Variants in AGO1 observed in about 807,000 individuals in gnomAD.
AGO1 encodes the protein protein argonaute-1.
AGO1 carries 11 observed loss-of-function variants against 109.2 expected under a neutral mutation model. The observed-to-expected ratio is 0.10, with a 90% CI of 0.06 to 0.17. AGO1 has a LOEUF of 0.17. AGO1 is among the 10% of genes least tolerant of loss of function. The pLI is 1.00. For synonymous variants in AGO1, 422 were observed against 418.6 expected (o/e 1.01, Z -0.10); for missense variants, 574 against 1,140.3 (o/e 0.50, Z 7.15).
In AGO1 at chr1:35,929,341, G is replaced by GA. The variant is rs1382205794; in HGVS notation, c.*9735dup. 6.6e-6 allele frequency: 1 copy of GA among 152,250 alleles called. No individual in the cohort carries two copies. Among genetic ancestry groups the GA allele is most frequent in the Non-Finnish European group, 1.5e-5 (1 of 68,046 alleles). The allele number at this position is 152,250 out of a possible 1,614,324, so 9.4% of individuals were successfully genotyped here. On this transcript the variant is annotated 3_prime_UTR_variant, in exon 19 of 19. Coordinates refer to ENST00000373204, the MANE Select transcript of AGO1 (RefSeq NM_012199.5). ...TAGGAAGGCATCATTGACATTTACT[G>GA]AGATGGATTGAATCAGAGGGTGTAA...
Position 35,888,490 on chromosome 1 carries a change from G to A in AGO1, c.89G>A (p.Gly30Asp). ...VFQAPRRPGI[G>D]TVGKPIKLLA... ...CAGGCACCTCGCCGGCCTGGCATTG[G>A]CACTGTGGGGAAACCAATCAAGCTC... is the stretch of plus-strand genomic sequence containing the variant. The change falls in exon 2 of 19, where the codon GGC (glycine) becomes GAC (aspartate). Residue 30 changes from glycine (G) to aspartate (D), a missense_variant. By Grantham distance (94) the Gly-to-Asp change is moderately conservative (BLOSUM62 -1). Coordinates refer to ENST00000373204, the MANE Select transcript of AGO1 (RefSeq NM_012199.5). The surrounding 1 kb of genome is among the most constrained non-coding windows in gnomAD (Gnocchi z 4.1). The A allele has an allele frequency of 6.2e-7, 1 of 1,614,212 alleles. No homozygotes were observed. The highest frequency in any genetic ancestry group is 8.5e-7 in the Non-Finnish European group (1 of 1,180,038).
intron 11 of AGO1, among the ~76,000 whole-genome samples, chr1:35,905,732 A>T (rs143934866): frequency 1.4e-4 from 21 of 152,176 alleles, no homozygotes; most frequent in African/African-American, 5.1e-4. Context: ...TGGCCTCCCA[A>T]AGTGCTGAGA....
chr1:35,896,546 G>T (rs1645323432), intron 8 of AGO1, among the ~76,000 whole-genome samples: 1 of 151,946 alleles, frequency 6.6e-6, no homozygotes, highest in Middle Eastern at 3.2e-3. Context: ...TGTATTTTTA[G>T]TAGAGATGGG....
chr1:35,893,554 C>A lies in AGO1; in HGVS notation c.513-120C>A. On this transcript the variant is annotated intron_variant, in intron 4 of 18. Coordinates refer to ENST00000373204, the MANE Select transcript of AGO1 (RefSeq NM_012199.5). This position sits in a 1 kb window ranked among gnomAD's most constrained non-coding sequence, Gnocchi z 5.6. Reference sequence around the variant, plus strand: ...GTCAGTCATACAACTAGTAAAGCATCAGAGCTGGCATTAAAGCCCCGGTGT... The same window carrying A: ...GTCAGTCATACAACTAGTAAAGCATAAGAGCTGGCATTAAAGCCCCGGTGT... The A allele has an allele frequency of 9.3e-7, 1 of 1,078,430 alleles. No homozygotes were observed. Among genetic ancestry groups the A allele is most frequent in the Non-Finnish European group, 1.3e-6 (1 of 768,532 alleles). 66.8% of individuals were successfully genotyped at this position (1,078,430 alleles called of 1,614,324 possible).
intron 12 of AGO1, among the ~76,000 whole-genome samples, chr1:35,910,718 A>G (rs1321471003): frequency 1.3e-5 from 2 of 152,120 alleles, no homozygotes; most frequent in South Asian, 2.1e-4. Context: ...ATTTCCATCT[A>G]TCCATTCTGT....
rs563614918 is a variant in AGO1 at position 35,922,118 on chromosome 1, C to G, written c.*2511C>G. On this transcript the variant is annotated 3_prime_UTR_variant, in exon 19 of 19. Coordinates refer to ENST00000373204, the MANE Select transcript of AGO1 (RefSeq NM_012199.5). Reference sequence around the variant, plus strand: ...TAGGGAGCAGGTGGCAGCCTCTACTCCCAGCAACAAGTTTGTGTTCTCTCC... The same window carrying G: ...TAGGGAGCAGGTGGCAGCCTCTACTGCCAGCAACAAGTTTGTGTTCTCTCC... 2.6e-5 allele frequency: 4 copies of G among 152,776 alleles called. No individual in the cohort carries two copies. Among genetic ancestry groups the G allele is most frequent in the Admixed American group, 2.6e-4 (4 of 15,298 alleles). 9.5% of individuals were successfully genotyped at this position (152,776 alleles called of 1,614,324 possible).
rs1645159446 is a variant in AGO1, at chr1:35,888,601, G to A, written c.200G>A (p.Arg67Lys). The change falls in exon 2 of 19, where the codon AGA (arginine) becomes AAA (lysine). Residue 67 changes from arginine (R) to lysine (K), a missense_variant. Arg to Lys is a conservative substitution (Grantham distance 26). Transcript: ENST00000373204. This position sits in a 1 kb window ranked among gnomAD's most constrained non-coding sequence, Gnocchi z 4.1. ...ATCAAGCCGGATAAGTGTCCCCGTA[G>A]AGTCAACCGGTAAGTGATGCACACC... Reference protein sequence around the residue: ...VDIKPDKCPRRVNREVVEYMV... With the variant: ...VDIKPDKCPRKVNREVVEYMV... The A allele has an allele frequency of 6.8e-6, 11 of 1,614,074 alleles. No individual in the cohort carries two copies. The highest frequency in any genetic ancestry group is 8.5e-6 in the Non-Finnish European group (10 of 1,180,038).
At chr1:35,908,261 C>T (rs1645561530) in intron 12 of AGO1, among the ~76,000 whole-genome samples, 2 of 152,172 alleles carry the variant, frequency 1.3e-5, no homozygotes, top group Non-Finnish European at 2.9e-5. Flanking sequence ...TCTCAGTTGT[C>T]CTCTTGACTT....
In AGO1 at chr1:35,902,257, G is replaced by A. The variant is rs759771963; in HGVS notation, c.1317G>A (p.Gln439=). ...NQGVWDMRGK[Q]FYNGIEIKVW... Reference sequence around the variant, plus strand: ...GTGTCTGGGACATGCGGGGGAAACAGTTCTACAATGGGATTGAGATCAAAG... The same window carrying A: ...GTGTCTGGGACATGCGGGGGAAACAATTCTACAATGGGATTGAGATCAAAG... The change falls in exon 11 of 19, where the codon CAG becomes CAA. Residue 439 remains glutamine, a synonymous_variant. Coordinates refer to ENST00000373204, the MANE Select transcript of AGO1 (RefSeq NM_012199.5). 2 of 1,614,038 alleles carry A rather than the reference G, an allele frequency of 1.2e-6. No individual in the cohort carries two copies. Among genetic ancestry groups the A allele is most frequent in the African/African-American group, 2.7e-5 (2 of 74,924 alleles).
At position 35,893,533 on chromosome 1, in the gene AGO1, G is replaced by A. The variant is rs1645260888; in HGVS notation, c.513-141G>A. The A allele has an allele frequency of 3.2e-6, 3 of 948,962 alleles. No individual in the cohort carries two copies. The highest frequency in any genetic ancestry group is 4.6e-6 in the Non-Finnish European group (3 of 653,624). The allele number at this position is 948,962 out of a possible 1,614,324, so 58.8% of individuals were successfully genotyped here. ...GAAGGTAGAAACTTGTACAAGGTCA[G>A]TCATACAACTAGTAAAGCATCAGAG... is the stretch of plus-strand genomic sequence containing the variant. On this transcript the variant is annotated intron_variant, in intron 4 of 18. Transcript: ENST00000373204. This position sits in a 1 kb window ranked among gnomAD's most constrained non-coding sequence, Gnocchi z 5.6.
At chr1:35,898,932 T>C (rs1645368194) in intron 8 of AGO1, among the ~76,000 whole-genome samples, 1 of 152,250 alleles carries the variant, frequency 6.6e-6, no homozygotes, top group South Asian at 2.1e-4. Flanking sequence ...TAACCATTTT[T>C]AAGTATACAG....
chr1:35,902,243 A>T lies in AGO1; in HGVS notation c.1303A>T (p.Met435Leu). 1 of 1,614,144 alleles carries T rather than the reference A, an allele frequency of 6.2e-7. No individual in the cohort carries two copies. The highest frequency in any genetic ancestry group is 8.5e-7 in the Non-Finnish European group (1 of 1,180,004). ...CACACCCAATCAGGGTGTCTGGGAC[A>T]TGCGGGGGAAACAGTTCTACAATGG... Reference protein sequence around the residue: ...IATPNQGVWDMRGKQFYNGIE... With the variant: ...IATPNQGVWDLRGKQFYNGIE... Residue 435 changes from methionine to leucine, a missense_variant, in exon 11 of 19, where the codon ATG (methionine) becomes TTG (leucine). This residue lies in a region of AGO1 where 106 missense variants were observed against 147.8 expected (regional missense o/e 0.72). Transcript: ENST00000373204.
chr1:35,897,688 C>T (rs527884850), intron 8 of AGO1, among the ~76,000 whole-genome samples: 5 of 151,864 alleles, frequency 3.3e-5, no homozygotes, highest in East Asian at 3.9e-4. Context: ...GTGATTGTGC[C>T]GCTGGATTCT....
intron 15 of AGO1, among the ~76,000 whole-genome samples, chr1:35,916,114 A>T (rs962624805): frequency 6.6e-6 from 1 of 151,216 alleles, no homozygotes; most frequent in Non-Finnish European, 1.5e-5. Context: ...TGAACTTCCT[A>T]TGTGCCATGA....
intron 15 of AGO1, among the ~76,000 whole-genome samples, chr1:35,917,176 T>C (rs966504271): frequency 3.9e-5 from 6 of 152,214 alleles, no homozygotes; most frequent in African/African-American, 1.4e-4. Flanking sequence ...GAACTATATG[T>C]CTGCTCTTCT....
rs944764536 is a variant in AGO1 at position 35,871,551 on chromosome 1, G to GA, written c.-201+1658dup. On this transcript the variant is annotated intron_variant, in intron 1 of 18. Coordinates refer to the AGO1 transcript ENST00000373206. ...AGCAAGACTCCGTCTCAAAAAAAAA[G>GA]AAAAAAAAAAGATTAAACTTTAAAA... is the stretch of plus-strand genomic sequence containing the variant. Among the ~76,000 whole-genome samples, 46 of 139,678 alleles carry GA rather than the reference G, an allele frequency of 3.3e-4. 1 individual carries two copies. Among genetic ancestry groups the GA allele is most frequent in the East Asian group, 4.4e-4 (2 of 4,582 alleles). 91.6% of individuals were successfully genotyped at this position (139,678 alleles called of 152,430 possible). A position where few individuals can be genotyped will look rare whatever the true frequency, so the allele number is the denominator to read the frequency against.
chr1:35,910,659 C>CTTT, intron 12 of AGO1, among the ~76,000 whole-genome samples: 1 of 152,258 alleles, frequency 6.6e-6, no homozygotes, highest in South Asian at 2.1e-4. Context: ...TTTCATGCAA[C>CTTT]ATAAAGTTGT....
chr1:35,895,314 C>G, intron 8 of AGO1, 45 bp downstream of exon 8: 1 of 1,555,776 alleles, frequency 6.4e-7, no homozygotes. Flanking sequence ...TTGTATATAC[C>G]TGCATGCTGA....
intron 12 of AGO1, among the ~76,000 whole-genome samples, chr1:35,909,131 G>A (rs1330138678): frequency 6.6e-6 from 1 of 152,072 alleles, no homozygotes; most frequent in Non-Finnish European, 1.5e-5. Flanking sequence ...AGACTTTCTT[G>A]AATGGGTTCC....
Sources: allele counts gnomAD v4.1 joint callset (sites outside exome capture counted in the v4.1 genomes callset), GRCh38; gene constraint gnomAD v4.1.1; regional missense constraint gnomAD v4.1.1; non-coding constraint Gnocchi (gnomAD v3.1); transcripts MANE v1.5; gene names NCBI Gene and HGNC (gene_info 2026-07-23, HGNC 2026-07-21).